RNF128: variants seen among roughly 807,000 people sequenced by gnomAD.
The protein encoded by RNF128 is ring finger protein 128.
A neutral mutation model predicts 26.2 loss-of-function variants in RNF128; 13 were observed. That is an observed-to-expected ratio of 0.50 (90% CI 0.32 to 0.79). The LOEUF (loss-of-function observed/expected upper bound fraction) is 0.79. Ranked by LOEUF, RNF128 falls within the 30% of genes least tolerant of loss-of-function variation. RNF128 has a pLI of 0.03. For synonymous variants in RNF128, 149 were observed against 142.5 expected, an observed-to-expected ratio of 1.05 and a Z score of -0.32; for missense variants, 315 against 349.7, an observed-to-expected ratio of 0.90 and a Z score of 0.79.
intron 2 of RNF128, among the ~76,000 whole-genome samples, chrX:106,774,365 T>A (rs887047036): frequency 2.7e-5 from 3 of 112,082 alleles, no homozygotes; most frequent in African/African-American, 9.7e-5. Context: ...ACTCTTTCAC[T>A]CAGGTATAAG....
intron 1 of RNF128, among the ~76,000 whole-genome samples, chrX:106,701,487 G>T (rs940902397): frequency 2.7e-5 from 3 of 111,631 alleles, no homozygotes; most frequent in African/African-American, 9.7e-5. Flanking sequence ...TGTAGGATAT[G>T]CCCAAAAGGG....
chrX:106,697,737 G>A (rs1222576013), intron 1 of RNF128, among the ~76,000 whole-genome samples: 1 of 110,863 alleles, frequency 9.0e-6, no homozygotes, highest in African/African-American at 3.3e-5. Flanking sequence ...TTTTTCTGAA[G>A]GGGATAATTT....
intron 1 of RNF128, among the ~76,000 whole-genome samples, chrX:106,719,552 A>G (rs1275548485): frequency 9.0e-6 from 1 of 111,035 alleles, no homozygotes; most frequent in African/African-American, 3.3e-5. Flanking sequence ...ATTTCTCCCT[A>G]ATTTACTAAA....
At chrX:106,709,399 C>T (rs1929089261) in intron 1 of RNF128, among the ~76,000 whole-genome samples, 1 of 111,876 alleles carries the variant, frequency 8.9e-6, no homozygotes, top group Non-Finnish European at 1.9e-5. Context: ...AAACTTGTCT[C>T]ATTCAAGCAA....
At chrX:106,726,699 C>T (rs1436098238), upstream of RNF128, 5 of 1,023,071 alleles carry the variant, frequency 4.9e-6, no homozygotes, top group Non-Finnish European at 4.9e-6. Flanking sequence ...GACGCGGCAG[C>T]CGCGGTAGCG....
chrX:106,766,323 C>G (rs891633217), intron 1 of RNF128, among the ~76,000 whole-genome samples: 8 of 112,040 alleles, frequency 7.1e-5, no homozygotes, highest in South Asian at 3.8e-4. Context: ...CTAGTTTACA[C>G]TCCCACCAAC....
intron 1 of RNF128, among the ~76,000 whole-genome samples, chrX:106,754,161 G>C (rs1256260130): frequency 9.0e-6 from 1 of 111,709 alleles, no homozygotes; most frequent in African/African-American, 3.3e-5. Flanking sequence ...TTGTCTCTTT[G>C]GCACGTGGAT....
intron 5 of RNF128, 38 bp downstream of exon 5, chrX:106,790,320 C>A (rs769082574): frequency 3.5e-5 from 33 of 940,276 alleles, no homozygotes; most frequent in Non-Finnish European, 5.0e-5. Context: ...AGAATATATG[C>A]CTGGGCTTTG....
intron 1 of RNF128, among the ~76,000 whole-genome samples, chrX:106,728,385 A>G (rs1175595124): frequency 3.6e-5 from 4 of 112,250 alleles, no homozygotes; most frequent in Non-Finnish European, 7.5e-5. Flanking sequence ...TTCAAGTCTT[A>G]GAGTCTGGGT....
chrX:106,726,619 C>T, upstream of RNF128: 1 of 926,118 alleles, frequency 1.1e-6, no homozygotes, highest in Non-Finnish European at 1.3e-6. Context: ...CCGCAGTGTC[C>T]TTTCCTCCCT....
rs761439629 is a variant in RNF128, at chrX:106,746,857, C to A, written c.484+19460C>A. Among the ~76,000 whole-genome samples the A allele has an allele frequency of 4.5e-5, 5 of 111,427 alleles. No homozygotes were observed. In the East Asian group the frequency reaches 1.4e-3, roughly 31 times the overall value. On this transcript the variant is annotated intron_variant, in intron 1 of 6. Transcript: ENST00000255499. ...GAATGAAAATGCATGAAACTCTAGC[C>A]ATGTCTCGTTATTATTAATGACTAT...
At chrX:106,752,583 A>G (rs1353297569) in intron 1 of RNF128, among the ~76,000 whole-genome samples, 1 of 112,532 alleles carries the variant, frequency 8.9e-6, no homozygotes, top group African/African-American at 3.2e-5. Context: ...AGCATTCTCA[A>G]GAAGGACAGG....
Position 106,795,566 on chromosome X carries a change from A to G in RNF128, c.1154-14A>G. Reference sequence around the variant, plus strand: ...GGGGCAAAATCATCCTAAAATTGCTATTTCTTTTTAAAGATGAAAGTCTAC... The same window carrying G: ...GGGGCAAAATCATCCTAAAATTGCTGTTTCTTTTTAAAGATGAAAGTCTAC... On this transcript the variant is annotated splice_polypyrimidine_tract_variant and intron_variant, in intron 6 of 6. Coordinates refer to ENST00000255499, the MANE Select transcript of RNF128 (RefSeq NM_194463.2). 3 of 1,172,715 alleles carry G rather than the reference A, an allele frequency of 2.6e-6. No individual in the cohort carries two copies. Among genetic ancestry groups the G allele is most frequent in the Middle Eastern group, 2.4e-4 (1 of 4,202 alleles).
At chrX:106,783,091 T>C (rs751450955) in intron 2 of RNF128, among the ~76,000 whole-genome samples, 1 of 112,053 alleles carries the variant, frequency 8.9e-6, no homozygotes, top group African/African-American at 3.2e-5. Flanking sequence ...GGTCTAGGCC[T>C]TCCTATTCAC....
upstream of RNF128, among the ~76,000 whole-genome samples, chrX:106,723,025 C>T (rs1347501158): frequency 4.5e-5 from 5 of 111,660 alleles, no homozygotes; most frequent in East Asian, 1.1e-3. Flanking sequence ...TGTCCTCATA[C>T]AATCCATATG....
At chrX:106,701,787 T>G (rs998841922) in intron 1 of RNF128, among the ~76,000 whole-genome samples, 2 of 111,145 alleles carry the variant, frequency 1.8e-5, no homozygotes, top group African/African-American at 6.5e-5. Context: ...CCATGGTGAA[T>G]AGTAAAGAAT....
chrX:106,753,219 A>T (rs140595859), intron 1 of RNF128, among the ~76,000 whole-genome samples: 5,844 of 111,610 alleles, frequency 0.052, 204 homozygotes, highest in Non-Finnish European at 0.087. Flanking sequence ...CTAAGAGATG[A>T]ACCTATCAAA....
chrX:106,725,307 TTTA>T (rs1453993864), upstream of RNF128, among the ~76,000 whole-genome samples: 1 of 111,943 alleles, frequency 8.9e-6, no homozygotes. Context: ...TGCACATTTA[TTTA>T]TGTTCTAGGT....
At chrX:106,787,879 T>A in intron 3 of RNF128, 39 bp from the exon 4 acceptor site, 1 of 970,243 alleles carries the variant, frequency 1.0e-6, no homozygotes, top group Non-Finnish European at 1.5e-6. Context: ...AATGTATTTT[T>A]TCTTATCTGT....
Sources: gnomAD v4.1 joint callset for allele counts (sites outside exome capture counted in the v4.1 genomes callset) on GRCh38, gnomAD v4.1.1 for gene constraint, MANE v1.5 for transcripts, NCBI Gene and HGNC (gene_info 2026-07-23, HGNC 2026-07-21) for gene names.